The following PROS1 variants were observed in gnomAD, a reference collection of about 807,000 sequenced individuals.
PROS1 encodes the protein vitamin K-dependent protein S.
A neutral mutation model predicts 75.9 loss-of-function variants in PROS1; 29 were observed. The observed-to-expected ratio is 0.38, with a 90% CI of 0.28 to 0.52. The LOEUF (loss-of-function observed/expected upper bound fraction) is 0.52, where lower values mean the gene tolerates loss of function less well. Ranked by LOEUF, PROS1 falls within the 20% of genes least tolerant of loss-of-function variation. The pLI is 0.83. For synonymous variants in PROS1, 245 were observed against 280.6 expected, an observed-to-expected ratio of 0.87 and a Z score of 1.27; for missense variants, 680 against 810.3, an observed-to-expected ratio of 0.84 and a Z score of 1.95.
At chr3:93,933,774 T>G (rs1189520159) in intron 1 of PROS1, among the ~76,000 whole-genome samples, 1 of 151,776 alleles carries the variant, frequency 6.6e-6, no homozygotes, top group Non-Finnish European at 1.5e-5. Context: ...AAATACAAAA[T>G]TTAGCCAGGA....
chr3:93,910,788 T>A, intron 3 of PROS1, 83 bp from the exon 4 acceptor site: 1 of 1,110,536 alleles, frequency 9.0e-7, no homozygotes, highest in Non-Finnish European at 1.3e-6. Flanking sequence ...TCCCAAGAGG[T>A]AGGACATTTA....
chr3:93,946,847 A>AAG (rs1442600438), intron 1 of PROS1, among the ~76,000 whole-genome samples: 5 of 151,336 alleles, frequency 3.3e-5, no homozygotes, highest in African/African-American at 9.7e-5. Context: ...AGAAAAAAAA[A>AAG]AAAAAAAAAA....
At chr3:93,882,517 C>T (rs545877579) in intron 12 of PROS1, among the ~76,000 whole-genome samples, 1 of 152,152 alleles carries the variant, frequency 6.6e-6, no homozygotes, top group African/African-American at 2.4e-5. Flanking sequence ...ACAAACTAAC[C>T]AGAAACCTAA....
intron 3 of PROS1, among the ~76,000 whole-genome samples, chr3:93,918,019 G>A (rs375870988): frequency 1.6e-4 from 25 of 152,194 alleles, no homozygotes; most frequent in African/African-American, 6.0e-4. Context: ...CCCAGTGCAG[G>A]ATCCACTGGG....
At chr3:93,964,607 A>C (rs529115242) in intron 1 of PROS1, among the ~76,000 whole-genome samples, 1 of 152,192 alleles carries the variant, frequency 6.6e-6, no homozygotes, top group Non-Finnish European at 1.5e-5. Flanking sequence ...CCACGGAACA[A>C]AGACCCTTAT....
chr3:93,965,710 T>C (rs772125179), intron 1 of PROS1, among the ~76,000 whole-genome samples: 4 of 152,156 alleles, frequency 2.6e-5, no homozygotes, highest in Non-Finnish European at 5.9e-5. Context: ...TCTATTTTTA[T>C]TTTTTATAGA....
chr3:93,897,678 T>A (rs1186266197), intron 8 of PROS1, among the ~76,000 whole-genome samples: 1 of 152,094 alleles, frequency 6.6e-6, no homozygotes, highest in Non-Finnish European at 1.5e-5. Flanking sequence ...TATAGAGGTA[T>A]GTATGTATAC....
intron 10 of PROS1, among the ~76,000 whole-genome samples, chr3:93,891,207 T>G (rs1191699317): frequency 6.6e-6 from 1 of 152,132 alleles, no homozygotes; most frequent in East Asian, 1.9e-4. Flanking sequence ...AGATGTCTCT[T>G]TTGTGCACCA....
At chr3:93,948,460 C>T (rs1268821249) in intron 1 of PROS1, among the ~76,000 whole-genome samples, 1 of 152,098 alleles carries the variant, frequency 6.6e-6, no homozygotes, top group Non-Finnish European at 1.5e-5. Context: ...TCCTGGATAT[C>T]CTTGTTAACT....
At chr3:93,953,839 G>A (rs1709550965) in intron 1 of PROS1, among the ~76,000 whole-genome samples, 1 of 152,146 alleles carries the variant, frequency 6.6e-6, no homozygotes, top group Admixed American at 6.5e-5. Flanking sequence ...CCTCGTCTCA[G>A]CCCAAAATCT....
intron 1 of PROS1, among the ~76,000 whole-genome samples, chr3:93,929,553 A>G (rs1299218250): frequency 6.6e-6 from 1 of 152,236 alleles, no homozygotes; most frequent in Admixed American, 6.5e-5. Flanking sequence ...AGTTGCTAAA[A>G]GGAAGATACT....
rs1708130597 is a variant in PROS1, at chr3:93,873,109, T to C, written c.*1136A>G. On this transcript the variant is annotated 3_prime_UTR_variant, in exon 15 of 15. Transcript: ENST00000394236. ...GATATAATAAAGATATTCACATGCA[T>C]TTTAAAATTATACACCGATTTATTA... is the stretch of plus-strand genomic sequence containing the variant. 1 of 152,230 alleles carries C rather than the reference T, an allele frequency of 6.6e-6. No individual in the cohort carries two copies. The highest frequency in any genetic ancestry group is 1.5e-5 in the Non-Finnish European group (1 of 68,036). The allele number at this position is 152,230 out of a possible 1,614,324, so 9.4% of individuals were successfully genotyped here.
At chr3:93,933,363 C>T (rs1709134286) in intron 1 of PROS1, among the ~76,000 whole-genome samples, 1 of 151,544 alleles carries the variant, frequency 6.6e-6, no homozygotes, top group Non-Finnish European at 1.5e-5. Context: ...TCCCTTAAAC[C>T]CAAGAGTTTG....
intron 1 of PROS1, among the ~76,000 whole-genome samples, chr3:93,953,064 C>T (rs1326566159): frequency 6.6e-6 from 1 of 152,098 alleles, no homozygotes; most frequent in Non-Finnish European, 1.5e-5. Flanking sequence ...CAATAACAGG[C>T]TCTGAAATTG....
intron 3 of PROS1, among the ~76,000 whole-genome samples, chr3:93,922,063 G>A (rs1010568840): frequency 6.6e-6 from 1 of 152,076 alleles, no homozygotes; most frequent in Non-Finnish European, 1.5e-5. Flanking sequence ...ATACCAGCAG[G>A]TCAGGCCAGC....
At chr3:93,963,908 T>C (rs1183638652) in intron 1 of PROS1, among the ~76,000 whole-genome samples, 4 of 152,110 alleles carry the variant, frequency 2.6e-5, no homozygotes, top group Admixed American at 2.6e-4. Flanking sequence ...CTTTTCTTTC[T>C]TTTCTGTTGC....
chr3:93,938,547 C>A (rs1297551373), intron 1 of PROS1, among the ~76,000 whole-genome samples: 1 of 152,144 alleles, frequency 6.6e-6, no homozygotes, highest in Non-Finnish European at 1.5e-5. Context: ...GGTCCTCAGA[C>A]CAACCAGCCC....
chr3:93,966,297 G>A (rs1488985565), intron 1 of PROS1, among the ~76,000 whole-genome samples: 1 of 152,164 alleles, frequency 6.6e-6, no homozygotes, highest in Non-Finnish European at 1.5e-5. Context: ...TTGTAAAGAG[G>A]TAGATCACAG....
rs567923459 is a variant in PROS1 at position 93,919,837 on chromosome 3, T to A, written c.259+4403A>T. Among the ~76,000 whole-genome samples the A allele has an allele frequency of 3.9e-5, 6 of 152,344 alleles. No individual in the cohort carries two copies. In the East Asian group the frequency reaches 1.2e-3, roughly 29 times the overall value. ...CATTCTTCGCAATACCATCTTTAAA[T>A]AATCCACAGTGACTTACAGTATCAT... is the stretch of plus-strand genomic sequence containing the variant. On this transcript the variant is annotated intron_variant, in intron 3 of 14. Transcript: ENST00000394236.
Sources: gnomAD v4.1 joint callset for allele counts (sites outside exome capture counted in the v4.1 genomes callset) on GRCh38, gnomAD v4.1.1 for gene constraint, MANE v1.5 for transcripts, NCBI Gene and HGNC (gene_info 2026-07-23, HGNC 2026-07-21) for gene names.